The following TACR1 variants were observed in gnomAD, a reference collection of about 807,000 sequenced individuals.
TACR1 encodes tachykinin receptor 1.
TACR1 carries 25 observed loss-of-function variants against 35.8 expected under a neutral mutation model. That is an observed-to-expected ratio of 0.70 (90% CI 0.51 to 0.98). The LOEUF (loss-of-function observed/expected upper bound fraction) is 0.98, where lower values mean the gene tolerates loss of function less well. TACR1 is among the 50% of genes least tolerant of loss of function. The pLI is 0.00. For missense variants in TACR1, 478 were observed against 522.9 expected, an observed-to-expected ratio of 0.91 and a Z score of 0.84; for synonymous variants, 195 against 206.7, an observed-to-expected ratio of 0.94 and a Z score of 0.48.
intron 2 of TACR1, 41 bp downstream of exon 2, chr2:75,120,533 G>A (rs1187487465): frequency 6.5e-7 from 1 of 1,538,002 alleles, no homozygotes; most frequent in Non-Finnish European, 8.8e-7. Context: ...AAGGCAGCCT[G>A]CACCATCGTT....
intron 2 of TACR1, among the ~76,000 whole-genome samples, chr2:75,074,683 AT>A (rs900302566): frequency 1.9e-4 from 29 of 150,508 alleles, no homozygotes; most frequent in African/African-American, 2.7e-4. Context: ...GAAGGCAGGG[AT>A]TTTTTTTTTC....
intron 1 of TACR1, among the ~76,000 whole-genome samples, chr2:75,123,550 C>A (rs975215233): frequency 6.6e-6 from 1 of 152,080 alleles, no homozygotes; most frequent in African/African-American, 2.4e-5. Context: ...AACTCTCTAC[C>A]GTTCTTTAGT....
intron 1 of TACR1, among the ~76,000 whole-genome samples, chr2:75,126,914 A>C (rs1462553834): frequency 2.6e-5 from 4 of 152,242 alleles, no homozygotes; most frequent in Non-Finnish European, 5.9e-5. Flanking sequence ...TGATCCTTAG[A>C]GAAATGCAAA....
At chr2:75,064,869 G>GAAA (rs1284708015) in intron 2 of TACR1, among the ~76,000 whole-genome samples, 2 of 152,198 alleles carry the variant, frequency 1.3e-5, no homozygotes, top group African/African-American at 4.8e-5. Context: ...GCCAGGGCTG[G>GAAA]TGGCGACCAC....
Position 75,198,781 on chromosome 2 carries a change from C to A in TACR1, c.154G>T (p.Val52Leu), listed in dbSNP as rs768067224. ...IVVTSVVGNV[V>L]VMWIILAHKR... ...TGGGCTAAGATGATCCACATCACTA[C>A]CACGTTGCCCACCACAGAGGTCACC... Residue 52 changes from valine to leucine, a missense_variant, in exon 1 of 5, where the codon GTA becomes TTA. Coordinates refer to ENST00000305249, the MANE Select transcript of TACR1 (RefSeq NM_001058.4). 2.5e-6 allele frequency: 4 copies of A among 1,614,176 alleles called. No individual in the cohort carries two copies. The highest frequency in any genetic ancestry group is 3.4e-6 in the Non-Finnish European group (4 of 1,180,028).
intron 1 of TACR1, among the ~76,000 whole-genome samples, chr2:75,178,213 C>T (rs371777873): frequency 2.0e-4 from 30 of 150,426 alleles, no homozygotes; most frequent in Non-Finnish European, 3.0e-4. Flanking sequence ...GACAGAGTTT[C>T]GCTCTTTGTT....
At chr2:75,193,446 T>C (rs1369651680) in intron 1 of TACR1, among the ~76,000 whole-genome samples, 1 of 152,240 alleles carries the variant, frequency 6.6e-6, no homozygotes, top group Non-Finnish European at 1.5e-5. Flanking sequence ...TCAAGTTTCT[T>C]GTCGGGCATT....
intron 1 of TACR1, among the ~76,000 whole-genome samples, chr2:75,195,330 CCTCCT>C (rs979819556): frequency 3.3e-5 from 5 of 151,730 alleles, no homozygotes; most frequent in African/African-American, 1.2e-4. Flanking sequence ...TCTTCCCTCC[CCTCCT>C]CTCCTATCCC....
At chr2:75,115,667 G>A (rs1673838775) in intron 2 of TACR1, among the ~76,000 whole-genome samples, 1 of 152,120 alleles carries the variant, frequency 6.6e-6, no homozygotes, top group Non-Finnish European at 1.5e-5. Flanking sequence ...AGCACTTTGG[G>A]AGGCCGAGGC....
intron 2 of TACR1, among the ~76,000 whole-genome samples, chr2:75,072,250 G>A (rs1308549106): frequency 1.3e-5 from 2 of 152,190 alleles, no homozygotes; most frequent in Non-Finnish European, 2.9e-5. Context: ...TGAGTCTGAT[G>A]TGAGTCGTCT....
intron 2 of TACR1, among the ~76,000 whole-genome samples, chr2:75,057,107 A>G (rs1403575776): frequency 6.6e-6 from 1 of 152,242 alleles, no homozygotes; most frequent in Non-Finnish European, 1.5e-5. Context: ...CTAAGCCATC[A>G]TATCCCCTGT....
At chr2:75,081,465 T>G (rs1673084702) in intron 2 of TACR1, among the ~76,000 whole-genome samples, 1 of 152,152 alleles carries the variant, frequency 6.6e-6, no homozygotes, top group South Asian at 2.1e-4. Context: ...GTGAGCCTCT[T>G]CCATTGGATT....
At position 75,126,853 on chromosome 2, in the gene TACR1, A is replaced by G. The variant is rs549658149; in HGVS notation, c.390-6085T>C. On this transcript the variant is annotated intron_variant, in intron 1 of 4. Transcript: ENST00000305249. ...CAAAGGACATGAACAGACACTTTTC[A>G]AAGAAGACATACCTGTGGCCGCAAG... 3.0e-4 allele frequency among the ~76,000 whole-genome samples: 46 copies of G among 152,318 alleles called. 2 individuals carry two copies. In the South Asian group the frequency reaches 9.3e-3, roughly 31 times the overall value.
chr2:75,076,937 A>G (rs1044260111), intron 2 of TACR1, among the ~76,000 whole-genome samples: 3 of 152,184 alleles, frequency 2.0e-5, no homozygotes, highest in African/African-American at 7.2e-5. Flanking sequence ...CGCTTTACAC[A>G]GGTAATTTCA....
At chr2:75,088,193 C>A (rs1673226247) in intron 2 of TACR1, among the ~76,000 whole-genome samples, 1 of 152,170 alleles carries the variant, frequency 6.6e-6, no homozygotes, top group Admixed American at 6.5e-5. Context: ...GCACTCAGCC[C>A]ACTCTCCTCT....
intron 2 of TACR1, among the ~76,000 whole-genome samples, chr2:75,059,673 A>T (rs1672633777): frequency 6.6e-6 from 1 of 152,234 alleles, no homozygotes; most frequent in Non-Finnish European, 1.5e-5. Context: ...ATCCTATGTC[A>T]CAAACAAACC....
At chr2:75,098,846 C>G (rs1673474329) in intron 2 of TACR1, among the ~76,000 whole-genome samples, 1 of 152,058 alleles carries the variant, frequency 6.6e-6, no homozygotes, top group South Asian at 2.1e-4. Context: ...TTTTTAATTC[C>G]AGCCTTAATA....
chr2:75,174,274 T>G (rs1675360702), intron 1 of TACR1, among the ~76,000 whole-genome samples: 1 of 152,170 alleles, frequency 6.6e-6, no homozygotes, highest in Non-Finnish European at 1.5e-5. Flanking sequence ...GCAGATAGAG[T>G]AGTCTCCTCT....
intron 1 of TACR1, among the ~76,000 whole-genome samples, chr2:75,194,692 T>C (rs1675923270): frequency 6.6e-6 from 1 of 152,202 alleles, no homozygotes; most frequent in Admixed American, 6.5e-5. Context: ...TCTTTTGCCT[T>C]CAACCATTAC....
Sources: gnomAD v4.1 joint callset for allele counts (sites outside exome capture counted in the v4.1 genomes callset) on GRCh38, gnomAD v4.1.1 for gene constraint, MANE v1.5 for transcripts, NCBI Gene and HGNC (gene_info 2026-07-23, HGNC 2026-07-21) for gene names.